TPO: variants seen among roughly 807,000 people sequenced by gnomAD.
TPO encodes the protein thyroid peroxidase.
A neutral mutation model predicts 96.9 loss-of-function variants in TPO; 78 were observed. That is an observed-to-expected ratio of 0.81 (90% CI 0.67 to 0.97). TPO has a LOEUF of 0.97. Ranked by LOEUF, TPO falls within the 50% of genes least tolerant of loss-of-function variation. TPO has a pLI of 0.00. For missense variants in TPO, 1,252 were observed against 1,274.8 expected (o/e 0.98, Z 0.27); for synonymous variants, 547 against 538.0 (o/e 1.02, Z -0.23).
intron 14 of TPO, among the ~76,000 whole-genome samples, chr2:1,512,167 G>C (rs1406199933): frequency 1.6e-4 from 24 of 152,106 alleles, no homozygotes. Context: ...CCGAGTAGCT[G>C]GGACTACAGG....
upstream of TPO, chr2:1,374,112 TG>T (rs1661681166): frequency 6.6e-6 from 1 of 152,306 alleles, no homozygotes. Flanking sequence ...TTCACCTCTG[TG>T]GCCACTTCCC....
intron 3 of TPO, among the ~76,000 whole-genome samples, chr2:1,430,388 A>G (rs187053186): frequency 9.3e-4 from 142 of 152,362 alleles, no homozygotes; most frequent in African/African-American, 3.1e-3. Flanking sequence ...CAGAGAATCC[A>G]TGAAAAAGCC....
At chr2:1,440,332 T>C (rs977340808) in intron 5 of TPO, among the ~76,000 whole-genome samples, 3 of 152,246 alleles carry the variant, frequency 2.0e-5, no homozygotes, top group Admixed American at 2.0e-4. Context: ...GTTTTCTTGC[T>C]TTATGGTGTG....
At chr2:1,433,399 G>C (rs1308505305) in intron 3 of TPO, 39 bp from the exon 4 acceptor site, 1 of 1,610,146 alleles carries the variant, frequency 6.2e-7, no homozygotes, top group Non-Finnish European at 8.5e-7. Flanking sequence ...AGATACCATA[G>C]ACAAATAATC....
At chr2:1,516,762 G>A (rs542323868) in intron 14 of TPO, 121 bp from the exon 15 acceptor site, 145 of 861,660 alleles carry the variant, frequency 1.7e-4, no homozygotes, top group Non-Finnish European at 2.4e-4. Flanking sequence ...CCCTCCCTGC[G>A]TCATGCTGTG....
chr2:1,424,794 C>T (rs1010192276), intron 3 of TPO, among the ~76,000 whole-genome samples: 21 of 151,272 alleles, frequency 1.4e-4, no homozygotes, highest in Non-Finnish European at 1.8e-4. Flanking sequence ...CTCAGAAGTC[C>T]GTGCTCCTTC....
intron 15 of TPO, among the ~76,000 whole-genome samples, chr2:1,525,892 TACTGTGTGCAACCTCCTCAAATCCCCCC>T (rs1033236294): frequency 2.0e-5 from 2 of 98,926 alleles, no homozygotes; most frequent in African/African-American, 4.0e-5. Context: ...CAAATCCCAA[TACTGTGTGCAACCTCCTCAAATCCCCCC>T]ACTGTGCGCA....
At chr2:1,444,200 T>C (rs868280069) in intron 5 of TPO, among the ~76,000 whole-genome samples, 1,092 of 54,648 alleles carry the variant, frequency 0.02, no homozygotes, top group Middle Eastern at 0.068. Flanking sequence ...ATGATCCAGT[T>C]ATTGCTGCAG....
chr2:1,499,773 C>G (rs186755609), intron 13 of TPO, among the ~76,000 whole-genome samples: 2 of 152,360 alleles, frequency 1.3e-5, no homozygotes, highest in Admixed American at 1.3e-4. Context: ...CTCTAGTTCA[C>G]TAACTTGGGC....
intron 1 of TPO, among the ~76,000 whole-genome samples, chr2:1,383,766 T>C (rs1478473885): frequency 2.0e-5 from 3 of 152,168 alleles, no homozygotes; most frequent in South Asian, 2.1e-4. Context: ...GTTGCCATTG[T>C]TTTTGGTGTT....
At chr2:1,475,429 T>C (rs1251641439) in intron 7 of TPO, among the ~76,000 whole-genome samples, 1 of 151,760 alleles carries the variant, frequency 6.6e-6, no homozygotes, top group East Asian at 1.9e-4. Context: ...TTTTTTTCTT[T>C]TTTCTTTTTT....
At chr2:1,409,629 G>C (rs142838079), upstream of TPO, among the ~76,000 whole-genome samples, 33 of 152,122 alleles carry the variant, frequency 2.2e-4, no homozygotes, top group African/African-American at 7.7e-4. Flanking sequence ...GCTCACCCTG[G>C]TATCCCCAGC....
At chr2:1,471,619 C>G (rs945699138) in intron 7 of TPO, among the ~76,000 whole-genome samples, 1 of 152,280 alleles carries the variant, frequency 6.6e-6, no homozygotes, top group East Asian at 1.9e-4. Context: ...CCTCTCCCTC[C>G]CTCATTTGCT....
rs759405784 is a variant in TPO, at chr2:1,503,934, T to C, written c.2387-14T>C. The C allele has an allele frequency of 2.5e-6, 4 of 1,614,110 alleles. No homozygotes were observed. The highest frequency in any genetic ancestry group is 3.4e-6 in the Non-Finnish European group (4 of 1,180,016). On this transcript the variant is annotated splice_polypyrimidine_tract_variant and intron_variant, in intron 13 of 16. Transcript: ENST00000329066. Reference sequence around the variant, plus strand: ...CCGCTTCCTCTCACGTGTGTGGCCTTGTGTGTCTGGCAGATGTGAACGAGT... The same window carrying C: ...CCGCTTCCTCTCACGTGTGTGGCCTCGTGTGTCTGGCAGATGTGAACGAGT...
intron 15 of TPO, among the ~76,000 whole-genome samples, chr2:1,540,104 G>A (rs1558446678): frequency 6.6e-6 from 1 of 152,128 alleles, no homozygotes; most frequent in Non-Finnish European, 1.5e-5. Context: ...AGACCAGGGG[G>A]CCTCCACCCT....
intron 7 of TPO, 77 bp downstream of exon 7, chr2:1,456,359 C>A: frequency 6.8e-7 from 1 of 1,472,592 alleles, no homozygotes; most frequent in East Asian, 2.4e-5. Context: ...TGGTATAAAA[C>A]AAAATGTGAA....
rs1200340503 is a variant in TPO at position 1,485,057 on chromosome 2, T to C, written c.1597+203T>C. ...TTTCTCCTAATGCTATCCCTCCCCCTGACCCCCACCCCACGACAGACGGGA... is the reference window on the plus strand; with the variant it reads ...TTTCTCCTAATGCTATCCCTCCCCCCGACCCCCACCCCACGACAGACGGGA... On this transcript the variant is annotated intron_variant, in intron 9 of 16. Transcript: ENST00000329066. 7.0e-3 allele frequency among the ~76,000 whole-genome samples: 880 copies of C among 125,440 alleles called. 4 individuals are homozygous for C. Among genetic ancestry groups the C allele is most frequent in the African/African-American group, 0.023 (745 of 32,572 alleles). 82.3% of individuals were successfully genotyped at this position (125,440 alleles called of 152,430 possible). A position where few individuals can be genotyped will look rare whatever the true frequency, so the allele number is the denominator to read the frequency against.
At chr2:1,498,507 G>A (rs1010499409) in intron 13 of TPO, among the ~76,000 whole-genome samples, 5 of 152,240 alleles carry the variant, frequency 3.3e-5, no homozygotes, top group African/African-American at 7.2e-5. Context: ...GTCATCACTG[G>A]AAACCAGCAG....
chr2:1,421,622 G>A (rs965284115), intron 2 of TPO, among the ~76,000 whole-genome samples: 14 of 152,210 alleles, frequency 9.2e-5, no homozygotes, highest in African/African-American at 3.4e-4. Flanking sequence ...TGAGTTGCCT[G>A]GGCAGTTGCA....
Sources: allele counts gnomAD v4.1 joint callset (sites outside exome capture counted in the v4.1 genomes callset), GRCh38; gene constraint gnomAD v4.1.1; transcripts MANE v1.5; gene names NCBI Gene and HGNC (gene_info 2026-07-23, HGNC 2026-07-21).